Variants in BCORL1 observed in about 807,000 individuals in gnomAD.
The protein encoded by BCORL1 is BCL-6 corepressor-like protein 1.
BCORL1 carries 7 observed loss-of-function variants against 87.6 expected under a neutral mutation model. The ratio of observed to expected loss-of-function variants is 0.08; its 90% CI spans 0.05 to 0.15. The LOEUF (loss-of-function observed/expected upper bound fraction) is 0.15, where lower values mean the gene tolerates loss of function less well. Ranked by LOEUF, BCORL1 falls within the 10% of genes least tolerant of loss-of-function variation. The probability of loss-of-function intolerance (pLI) is 1.00; values close to 1 mark genes in which losing one functional copy is unlikely to be tolerated. For missense variants in BCORL1, 1,215 were observed against 1,499.7 expected, an observed-to-expected ratio of 0.81 and a Z score of 3.13; for synonymous variants, 591 against 634.4, an observed-to-expected ratio of 0.93 and a Z score of 1.03.
intron 9 of BCORL1, among the ~76,000 whole-genome samples, chrX:130,035,913 A>G (rs1322524718): frequency 8.9e-6 from 1 of 112,255 alleles, no homozygotes; most frequent in African/African-American, 3.2e-5. Flanking sequence ...CTCCCGGGTA[A>G]AGGAGCTTGA....
intron 11 of BCORL1, among the ~76,000 whole-genome samples, chrX:130,041,673 C>T (rs1411209172): frequency 9.0e-6 from 1 of 110,930 alleles, no homozygotes; most frequent in Admixed American, 9.6e-5. Flanking sequence ...GTCGCCAAGG[C>T]TCGAGTGCAG....
At position 130,015,173 on chromosome X, in the gene BCORL1, G is replaced by A. The variant is rs1929309252; in HGVS notation, c.2401G>A (p.Glu801Lys). 8.2e-7 allele frequency: 1 copy of A among 1,212,181 alleles called. No individual in the cohort carries two copies. Among genetic ancestry groups the A allele is most frequent in the East Asian group, 3.0e-5 (1 of 33,858 alleles). Residue 801 changes from glutamate (E) to lysine (K), a missense_variant, in exon 4 of 14, where the codon GAA becomes AAA. This residue lies in a region of BCORL1 where 861 missense variants were observed against 1,010.0 expected (regional missense o/e 0.85). Transcript: ENST00000540052. ...TGGGCTGCCAGGGTGCCAAACCAAGGAACTCTCTTTGTGGAAACCCACGGG... is the reference window on the plus strand; with the variant it reads ...TGGGCTGCCAGGGTGCCAAACCAAGAAACTCTCTTTGTGGAAACCCACGGG... ...APGLPGCQTK[E>K]LSLWKPTGPA... is the part of the protein sequence containing the mutation.
At chrX:130,002,284 G>A (rs1000655040) in intron 1 of BCORL1, among the ~76,000 whole-genome samples, 1 of 110,094 alleles carries the variant, frequency 9.1e-6, no homozygotes, top group Admixed American at 9.8e-5. Flanking sequence ...GGAAATTCTG[G>A]TCTGGGCCTA....
At chrX:130,042,643 T>C (rs1236027104) in intron 11 of BCORL1, among the ~76,000 whole-genome samples, 3 of 111,703 alleles carry the variant, frequency 2.7e-5, no homozygotes, top group Non-Finnish European at 5.6e-5. Flanking sequence ...TTTTTAAAAA[T>C]TGAGGTAAAA....
Position 130,056,240 on chromosome X carries a change from T to C in BCORL1, c.*104T>C. 1 of 893,521 alleles carries C rather than the reference T, an allele frequency of 1.1e-6. No homozygotes were observed. Among genetic ancestry groups the C allele is most frequent in the Non-Finnish European group, 1.5e-6 (1 of 664,679 alleles). 73.6% of individuals were successfully genotyped at this position (893,521 alleles called of 1,213,427 possible). On this transcript the variant is annotated 3_prime_UTR_variant, in exon 14 of 14. Transcript: ENST00000540052. ...ACCAGACTGCAGAATGAGGCAATAA[T>C]ACGGACCAACAAGAAGCCGCCTTAT...
chrX:129,989,693 C>G (rs1926946284), intron 1 of BCORL1, among the ~76,000 whole-genome samples: 1 of 105,852 alleles, frequency 9.4e-6, no homozygotes, highest in African/African-American at 3.5e-5. Context: ...TCTTGAACTC[C>G]TGACCTGAAG....
chrX:130,025,976 A>C (rs908081874), intron 7 of BCORL1, among the ~76,000 whole-genome samples: 2 of 111,562 alleles, frequency 1.8e-5, no homozygotes. Flanking sequence ...TTGAGAAGGC[A>C]GGCAGCCCAA....
chrX:130,043,132 A>G (rs1465855751), intron 11 of BCORL1, among the ~76,000 whole-genome samples: 1 of 105,307 alleles, frequency 9.5e-6, no homozygotes. Flanking sequence ...CCCAGGTTCA[A>G]GTGATTCTCC....
At chrX:130,000,927 TGTC>T (rs1927994286) in intron 1 of BCORL1, among the ~76,000 whole-genome samples, 2 of 108,582 alleles carry the variant, frequency 1.8e-5, no homozygotes, top group Admixed American at 9.8e-5. Flanking sequence ...TGTGTGTGTG[TGTC>T]GGGGGGTGGC....
chrX:129,990,736 C>T (rs899786886), intron 1 of BCORL1, among the ~76,000 whole-genome samples: 6 of 111,124 alleles, frequency 5.4e-5, no homozygotes, highest in Non-Finnish European at 1.1e-4. Context: ...CTCATCACTG[C>T]ATCTACCTTT....
At chrX:130,006,912 C>A (rs1928556897) in intron 2 of BCORL1, among the ~76,000 whole-genome samples, 1 of 112,057 alleles carries the variant, frequency 8.9e-6, no homozygotes, top group Non-Finnish European at 1.9e-5. Flanking sequence ...TTCATGCTTG[C>A]TGGTGTTTTT....
intron 8 of BCORL1, among the ~76,000 whole-genome samples, chrX:130,031,819 T>C (rs1250200903): frequency 1.8e-5 from 2 of 111,523 alleles, no homozygotes; most frequent in East Asian, 5.6e-4. Flanking sequence ...ATAATAATAA[T>C]GTGCCCAGCC....
At chrX:130,022,474 C>T (rs773730863) in intron 5 of BCORL1, among the ~76,000 whole-genome samples, 8 of 109,455 alleles carry the variant, frequency 7.3e-5, no homozygotes, top group Non-Finnish European at 1.3e-4. Context: ...GCTCGATCTC[C>T]TGACCTCAGG....
chrX:129,981,224 C>A (rs914200983), upstream of BCORL1: 5 of 111,077 alleles, frequency 4.5e-5, no homozygotes, highest in African/African-American at 1.6e-4. Flanking sequence ...CTCTTAGCAT[C>A]TGGATTCTGC....
In BCORL1 at chrX:130,044,504, T is replaced by C. The variant is rs763011742; in HGVS notation, c.4840+5222T>C. On this transcript the variant is annotated intron_variant, in intron 11 of 13. Transcript: ENST00000540052. The stretch of plus-strand genomic sequence containing the variant: ...GGGGGAATCAAATCCTTTTCTCTTT[T>C]TTCTTTAATTTTTTTTTTTTTTAAG... Among the ~76,000 whole-genome samples, 6 of 110,127 alleles carry C rather than the reference T, an allele frequency of 5.4e-5. No homozygotes were observed. In the South Asian group the frequency reaches 2.3e-3, roughly 42 times the overall value.
Position 130,015,227 on chromosome X carries a change from G to C in BCORL1, c.2455G>C (p.Val819Leu). The C allele has an allele frequency of 8.2e-7, 1 of 1,212,208 alleles. No homozygotes were observed. The highest frequency in any genetic ancestry group is 1.1e-6 in the Non-Finnish European group (1 of 895,648). The change falls in exon 4 of 14, where the codon GTC (valine) becomes CTC (leucine). Residue 819 changes from valine (V) to leucine (L), a missense_variant. This residue lies in a region of BCORL1 where 861 missense variants were observed against 1,010.0 expected (regional missense o/e 0.85). Transcript: ENST00000540052. ...GGCAAATATTTATCCCCGGTGTTCA[G>C]TCAATGGGAAACCTACCAGCACCCA... ...GPANIYPRCS[V>L]NGKPTSTQVL...
intron 13 of BCORL1, among the ~76,000 whole-genome samples, chrX:130,053,348 G>A (rs1932181633): frequency 9.2e-6 from 1 of 108,940 alleles, no homozygotes; most frequent in African/African-American, 3.4e-5. Context: ...ATGTATGATG[G>A]CACTAGTAGG....
intron 13 of BCORL1, 67 bp from the exon 14 acceptor site, chrX:130,055,787 G>C: frequency 9.2e-7 from 1 of 1,085,697 alleles, no homozygotes; most frequent in Non-Finnish European, 1.2e-6. Flanking sequence ...TTTGCAGAGT[G>C]TTCTGGGTCG....
chrX:130,024,957 T>G (rs1461984015), intron 6 of BCORL1, 33 bp from the exon 7 acceptor site: 2 of 1,192,833 alleles, frequency 1.7e-6, no homozygotes, highest in Non-Finnish European at 2.3e-6. Context: ...TTTGAAGAAG[T>G]ACCTGACCAT....
Sources: gnomAD v4.1 joint callset for allele counts (sites outside exome capture counted in the v4.1 genomes callset) on GRCh38, gnomAD v4.1.1 for gene constraint, gnomAD v4.1.1 regional missense constraint, MANE v1.5 for transcripts, NCBI Gene and HGNC (gene_info 2026-07-23, HGNC 2026-07-21) for gene names.